ADGRL3: variants seen among roughly 807,000 people sequenced by gnomAD.
ADGRL3 encodes adhesion G protein-coupled receptor L3.
A neutral mutation model predicts 153.5 loss-of-function variants in ADGRL3; 62 were observed. That is an observed-to-expected ratio of 0.40 (90% CI 0.33 to 0.50). The LOEUF is 0.50. Among genes scored for constraint, ADGRL3 ranks in the 20% least tolerant of loss-of-function variants. The pLI, the probability that ADGRL3 is intolerant of heterozygous loss-of-function variation, is 0.47. For missense variants in ADGRL3, 1,641 were observed against 1,859.4 expected (o/e 0.88, Z 2.16); for synonymous variants, 710 against 672.5 (o/e 1.06, Z -0.86).
At chr4:61,821,431 C>T (rs940913297) in intron 9 of ADGRL3, among the ~76,000 whole-genome samples, 23 of 151,770 alleles carry the variant, frequency 1.5e-4, no homozygotes, top group Non-Finnish European at 5.9e-5. Flanking sequence ...GGCTTGATCT[C>T]GTCTCACCAC....
chr4:61,896,484 A>G (rs1194998655), intron 11 of ADGRL3, among the ~76,000 whole-genome samples: 1 of 152,182 alleles, frequency 6.6e-6, no homozygotes, highest in Non-Finnish European at 1.5e-5. Context: ...ATGGCACATT[A>G]GCTATGCTGA....
rs561001681 is a variant in ADGRL3 at position 61,781,249 on chromosome 4, C to T, written c.1400-32560C>T. ...GCTGAGGCAGGAGAATCACTTGAAC[C>T]GGGGAAGCAGAGGTTGCAGTGAGCC... On this transcript the variant is annotated intron_variant, in intron 8 of 26. Coordinates refer to ENST00000683033, the MANE Select transcript of ADGRL3 (RefSeq NM_001387552.1). Among the ~76,000 whole-genome samples, 11 of 148,896 alleles carry T rather than the reference C, an allele frequency of 7.4e-5. No homozygotes were observed. The South Asian group carries it at 1.9e-3, about 26-fold the overall frequency.
At chr4:61,500,681 C>T (rs1321842143) in intron 3 of ADGRL3, among the ~76,000 whole-genome samples, 1 of 152,210 alleles carries the variant, frequency 6.6e-6, no homozygotes, top group African/African-American at 2.4e-5. Context: ...ATCTGAATTG[C>T]TATCCCTTTC....
chr4:61,307,367 TC>T (rs1318057462), intron 1 of ADGRL3, among the ~76,000 whole-genome samples: 2 of 152,194 alleles, frequency 1.3e-5, no homozygotes, highest in African/African-American at 4.8e-5. Flanking sequence ...TAATTTTTTA[TC>T]ACTATTTCAC....
chr4:61,665,050 C>G (rs2094737144), intron 5 of ADGRL3, among the ~76,000 whole-genome samples: 1 of 152,166 alleles, frequency 6.6e-6, no homozygotes, highest in Admixed American at 6.5e-5. Flanking sequence ...GGCAGTGACT[C>G]ATGTGGCCAA....
chr4:62,012,233 T>C (rs2099189930), intron 21 of ADGRL3, among the ~76,000 whole-genome samples: 1 of 152,146 alleles, frequency 6.6e-6, no homozygotes, highest in Non-Finnish European at 1.5e-5. Flanking sequence ...ACTCAAAACG[T>C]AGTCATAGAT....
chr4:61,755,324 G>T (rs2096812381), intron 8 of ADGRL3, among the ~76,000 whole-genome samples: 1 of 152,102 alleles, frequency 6.6e-6, no homozygotes, highest in African/African-American at 2.4e-5. Flanking sequence ...ACTGGTGTGA[G>T]ATGGTATCTC....
intron 1 of ADGRL3, among the ~76,000 whole-genome samples, chr4:61,285,899 C>G (rs1220264823): frequency 1.3e-5 from 2 of 151,844 alleles, no homozygotes; most frequent in African/African-American, 4.8e-5. Context: ...CCCTCCAACT[C>G]ATGCAAAGGA....
chr4:61,696,670 C>CTTTTTTTTTTTTTTTTTT (rs34306284), intron 6 of ADGRL3, among the ~76,000 whole-genome samples: 1 of 102,016 alleles, frequency 9.8e-6, no homozygotes, highest in Non-Finnish European at 1.8e-5. Flanking sequence ...TTTTTTTAAC[C>CTTTTTTTTTTTTTTTTTT]TTTTTTTTTT....
intron 9 of ADGRL3, among the ~76,000 whole-genome samples, chr4:61,876,563 T>G (rs1478785886): frequency 6.6e-6 from 1 of 152,122 alleles, no homozygotes; most frequent in Non-Finnish European, 1.5e-5. Flanking sequence ...ATTTTCTGCT[T>G]ACAATCATTA....
chr4:61,917,766 A>C (rs1322104561), intron 13 of ADGRL3, among the ~76,000 whole-genome samples: 2 of 149,196 alleles, frequency 1.3e-5, no homozygotes, highest in African/African-American at 5.2e-5. Flanking sequence ...GGAGTCAACT[A>C]TGCTGATATG....
At chr4:61,502,142 C>A (rs1003733282) in intron 3 of ADGRL3, among the ~76,000 whole-genome samples, 19 of 151,952 alleles carry the variant, frequency 1.3e-4, no homozygotes, top group African/African-American at 3.9e-4. Flanking sequence ...AGAGCAAAAC[C>A]CAGTAATAAC....
intron 8 of ADGRL3, among the ~76,000 whole-genome samples, chr4:61,766,509 A>G (rs1291601054): frequency 1.3e-5 from 2 of 152,070 alleles, no homozygotes; most frequent in Non-Finnish European, 2.9e-5. Context: ...GAAGGAAAGG[A>G]GTTGTTGTTT....
intron 1 of ADGRL3, among the ~76,000 whole-genome samples, chr4:61,232,533 T>G (rs543951237): frequency 5.9e-5 from 9 of 152,116 alleles, no homozygotes; most frequent in African/African-American, 2.2e-4. Flanking sequence ...GGTCTCAAAC[T>G]CCTGACCTCA....
At chr4:61,577,499 T>C (rs1439800635) in intron 4 of ADGRL3, among the ~76,000 whole-genome samples, 1 of 151,924 alleles carries the variant, frequency 6.6e-6, no homozygotes, top group African/African-American at 2.4e-5. Context: ...AGAATATTGA[T>C]GTTTATATAC....
chr4:61,397,822 A>G (rs149477733), intron 2 of ADGRL3, among the ~76,000 whole-genome samples: 2 of 151,974 alleles, frequency 1.3e-5, no homozygotes, highest in Non-Finnish European at 2.9e-5. Context: ...TTTAAACTTT[A>G]AATGAAAATC....
intron 5 of ADGRL3, among the ~76,000 whole-genome samples, chr4:61,652,463 A>G (rs1368694323): frequency 1.3e-5 from 2 of 152,142 alleles, no homozygotes; most frequent in African/African-American, 4.8e-5. Context: ...AACACACTTT[A>G]TGTGTTTATT....
chr4:61,980,331 T>TAC (rs2099063634), intron 18 of ADGRL3, among the ~76,000 whole-genome samples: 1 of 150,180 alleles, frequency 6.7e-6, no homozygotes, highest in Admixed American at 6.7e-5. Context: ...TTTTTTTTTT[T>TAC]TACTATCTCC....
rs191801382 is a variant in ADGRL3, at chr4:61,528,234, G to A, written c.259+10716G>A. Among the ~76,000 whole-genome samples, 39 of 152,144 alleles carry A rather than the reference G, an allele frequency of 2.6e-4. 1 individual carries two copies. The highest frequency in any genetic ancestry group is 9.4e-4 in the African/African-American group (39 of 41,506). ...ATTACTTAGAAAAATTCTATCACTT[G>A]CAGCAAGCCATCAGTGTTAGTGATT... is the stretch of plus-strand genomic sequence containing the variant. On this transcript the variant is annotated intron_variant, in intron 4 of 26. Transcript: ENST00000683033.
Sources: allele counts gnomAD v4.1 joint callset (sites outside exome capture counted in the v4.1 genomes callset), GRCh38; gene constraint gnomAD v4.1.1; transcripts MANE v1.5; gene names NCBI Gene and HGNC (gene_info 2026-07-23, HGNC 2026-07-21).